Variants in DGKH observed in about 807,000 individuals in gnomAD.
DGKH encodes diacylglycerol kinase eta.
In DGKH, 90 loss-of-function variants were observed where a neutral mutation model predicts 159.3. That is an observed-to-expected ratio of 0.57 (90% CI 0.48 to 0.67). The LOEUF (loss-of-function observed/expected upper bound fraction) is 0.67, where lower values mean the gene tolerates loss of function less well. Among genes scored for constraint, DGKH ranks in the 30% least tolerant of loss-of-function variants. The pLI is 0.00. For synonymous variants in DGKH, 536 were observed against 553.8 expected (o/e 0.97, Z 0.45); for missense variants, 1,181 against 1,506.1 (o/e 0.78, Z 3.57).
chr13:42,056,105 A>C (rs768958468), intron 1 of DGKH, among the ~76,000 whole-genome samples: 1 of 152,238 alleles, frequency 6.6e-6, no homozygotes, highest in Non-Finnish European at 1.5e-5. Flanking sequence ...AAACAAAAGA[A>C]ATAAAGAAAC....
intron 1 of DGKH, among the ~76,000 whole-genome samples, chr13:42,086,729 G>C (rs1402737176): frequency 6.6e-6 from 1 of 152,166 alleles, no homozygotes; most frequent in Non-Finnish European, 1.5e-5. Flanking sequence ...TGATCACTTA[G>C]AGAAAGAGGG....
In DGKH at chr13:42,066,686, T is replaced by C. The variant is rs181705024; in HGVS notation, c.192+17721T>C. ...AACCTGGCTGTGCTCTGTCTTCTTG[T>C]TTTAGCTCTCATGCAATAAACAAGC... On this transcript the variant is annotated intron_variant, in intron 1 of 29. Transcript: ENST00000337343. The C allele has an allele frequency of 9.2e-5, 14 of 152,326 alleles. No homozygotes were observed. In the East Asian group the frequency reaches 2.7e-3, roughly 29 times the overall value. The allele number at this position is 152,326 out of a possible 1,614,324, so 9.4% of individuals were successfully genotyped here. A position where few individuals can be genotyped will look rare whatever the true frequency, so the allele number is the denominator to read the frequency against.
At chr13:42,143,426 G>C (rs1165669032) in intron 3 of DGKH, among the ~76,000 whole-genome samples, 1 of 152,150 alleles carries the variant, frequency 6.6e-6, no homozygotes, top group Non-Finnish European at 1.5e-5. Context: ...AATGAGTTAG[G>C]GAGGATTCCT....
chr13:42,209,541 A>G, intron 23 of DGKH, 76 bp downstream of exon 23: 1 of 1,408,480 alleles, frequency 7.1e-7, no homozygotes, highest in South Asian at 1.6e-5. Context: ...AAAATAGAAA[A>G]TGAAAACATT....
intron 1 of DGKH, among the ~76,000 whole-genome samples, chr13:42,117,471 T>C (rs1247662988): frequency 1.3e-5 from 2 of 152,224 alleles, no homozygotes; most frequent in African/African-American, 4.8e-5. Context: ...GAAGTTTATT[T>C]TGAGGATTAA....
intron 1 of DGKH, among the ~76,000 whole-genome samples, chr13:42,084,325 A>G (rs148850405): frequency 2.5e-4 from 38 of 152,312 alleles, no homozygotes; most frequent in African/African-American, 8.9e-4. Flanking sequence ...TTGCTGTCCA[A>G]ATAGAAATAG....
chr13:42,115,037 A>T (rs1263156124), intron 1 of DGKH, among the ~76,000 whole-genome samples: 1 of 152,202 alleles, frequency 6.6e-6, no homozygotes, highest in Admixed American at 6.5e-5. Context: ...TTATTTACAG[A>T]TGGGGAAACT....
At chr13:42,173,897 C>T (rs938712597) in intron 11 of DGKH, among the ~76,000 whole-genome samples, 163 bp from the exon 12 acceptor site, 1 of 151,832 alleles carries the variant, frequency 6.6e-6, no homozygotes, top group Non-Finnish European at 1.5e-5. Context: ...GATCTCTTTT[C>T]CCATTTTTGG....
intron 21 of DGKH, among the ~76,000 whole-genome samples, chr13:42,207,105 C>A (rs868168306): frequency 7.9e-6 from 1 of 126,888 alleles, no homozygotes; most frequent in African/African-American, 3.1e-5. Context: ...TTCTTTCTTT[C>A]TTTCTTTCTC....
At chr13:42,243,295 T>A (rs554667099), downstream of DGKH, among the ~76,000 whole-genome samples, 1 of 152,352 alleles carries the variant, frequency 6.6e-6, no homozygotes, top group Admixed American at 6.5e-5. Context: ...TTAGAATAAT[T>A]CCCTGGAGAT....
At chr13:42,070,833 A>G (rs1156651309) in intron 1 of DGKH, 30 of 1,350,068 alleles carry the variant, frequency 2.2e-5, no homozygotes, top group Non-Finnish European at 3.1e-5. Flanking sequence ...ATTGGCTCCC[A>G]CTGGGACCAG....
intron 1 of DGKH, among the ~76,000 whole-genome samples, chr13:42,092,174 G>A (rs117992615): frequency 1.8e-3 from 268 of 152,320 alleles, no homozygotes; most frequent in Non-Finnish European, 3.0e-3. Context: ...ATTATGGAAA[G>A]TAGTAGAAGG....
intron 21 of DGKH, among the ~76,000 whole-genome samples, chr13:42,207,149 C>CT (rs1566192748): frequency 1.4e-5 from 1 of 72,344 alleles, no homozygotes; most frequent in Non-Finnish European, 2.6e-5. Flanking sequence ...TTCCTTCCTT[C>CT]CTTCCTTCCT....
At chr13:42,159,486 G>T (rs1019791522) in intron 6 of DGKH, 114 bp downstream of exon 6, 8 of 781,766 alleles carry the variant, frequency 1.0e-5, no homozygotes, top group Non-Finnish European at 1.7e-5. Flanking sequence ...TTAATAGAAG[G>T]TTTGGTTGAT....
chr13:42,127,263 A>G (rs668989), intron 1 of DGKH, among the ~76,000 whole-genome samples, 200 bp from the exon 2 acceptor site: 56,594 of 152,048 alleles, frequency 0.37, 10,977 homozygotes, highest in African/African-American at 0.45. Context: ...TTGAGGGCGG[A>G]GAACCATGTC....
intron 1 of DGKH, among the ~76,000 whole-genome samples, chr13:42,093,266 C>T (rs1280740320): frequency 2.0e-5 from 3 of 150,970 alleles, no homozygotes; most frequent in African/African-American, 7.3e-5. Context: ...AAAAGATGCT[C>T]AACATCAGTA....
At chr13:42,090,981 C>A (rs1278864299) in intron 1 of DGKH, among the ~76,000 whole-genome samples, 5 of 152,134 alleles carry the variant, frequency 3.3e-5, no homozygotes, top group African/African-American at 1.2e-4. Flanking sequence ...AGAGAGCAGC[C>A]CTCACCAACA....
rs142195621 is a variant in DGKH, at chr13:42,209,157, T to G, written c.2715+85T>G. ...TATTCTAAACAACTCGTACACTGGA[T>G]ATTCATCTATAATATTCTGACTTTG... is the stretch of plus-strand genomic sequence containing the variant. On this transcript the variant is annotated intron_variant, in intron 22 of 29. Coordinates refer to ENST00000337343, the MANE Select transcript of DGKH (RefSeq NM_178009.5). 1.3e-4 allele frequency: 179 copies of G among 1,361,072 alleles called. No homozygotes were observed. In the African/African-American group the frequency reaches 1.9e-3, roughly 15 times the overall value. The allele number at this position is 1,361,072 out of a possible 1,614,324, so 84.3% of individuals were successfully genotyped here. A position where few individuals can be genotyped will look rare whatever the true frequency, so the allele number is the denominator to read the frequency against.
At chr13:42,089,681 A>G (rs909993808) in intron 1 of DGKH, among the ~76,000 whole-genome samples, 2 of 152,084 alleles carry the variant, frequency 1.3e-5, no homozygotes, top group Non-Finnish European at 1.5e-5. Flanking sequence ...GCCTTCTTCT[A>G]CTTATAAGGA....
Sources: gnomAD v4.1 joint callset for allele counts (sites outside exome capture counted in the v4.1 genomes callset) on GRCh38, gnomAD v4.1.1 for gene constraint, MANE v1.5 for transcripts, NCBI Gene and HGNC (gene_info 2026-07-23, HGNC 2026-07-21) for gene names.